ARID2: variants seen among roughly 807,000 people sequenced by gnomAD.
The protein encoded by ARID2 is AT-rich interaction domain 2, also known as AT-rich interactive domain-containing protein 2.
In ARID2, 32 loss-of-function variants were observed where a neutral mutation model predicts 184.6. That is an observed-to-expected ratio of 0.17 (90% confidence interval 0.13 to 0.23). The LOEUF (loss-of-function observed/expected upper bound fraction) is 0.23, where lower values mean the gene tolerates loss of function less well. Ranked by LOEUF, ARID2 falls within the 10% of genes least tolerant of loss-of-function variation. The pLI is 1.00. For missense variants in ARID2, 1,696 were observed against 2,197.6 expected (o/e 0.77, Z 4.56); for synonymous variants, 836 against 772.6 (o/e 1.08, Z -1.36).
intron 3 of ARID2, among the ~76,000 whole-genome samples, chr12:45,795,603 T>TTTTTGTATTTTTGTA (rs1405113962): frequency 1.4e-4 from 21 of 152,078 alleles, no homozygotes; most frequent in Middle Eastern, 3.4e-3. Context: ...TGGTTAATTT[T>TTTTTGTATTTTTGTA]TTTTTGTATT....
At chr12:45,896,637 T>C (rs1944371346) in intron 20 of ARID2, among the ~76,000 whole-genome samples, 1 of 152,184 alleles carries the variant, frequency 6.6e-6, no homozygotes, top group African/African-American at 2.4e-5. Flanking sequence ...CTTTCTTTTG[T>C]AAATTGCCCA....
At chr12:45,764,003 G>T (rs1001928889) in intron 3 of ARID2, among the ~76,000 whole-genome samples, 1 of 152,018 alleles carries the variant, frequency 6.6e-6, no homozygotes, top group East Asian at 1.9e-4. Context: ...TTTATATTCA[G>T]ATGTAAAAAC....
At position 45,839,364 on chromosome 12, in the gene ARID2, A is replaced by G. The variant is rs1565616545; in HGVS notation, c.1366A>G (p.Met456Val). 6.2e-7 allele frequency: 1 copy of G among 1,613,298 alleles called. No homozygotes were observed. Among genetic ancestry groups the G allele is most frequent in the Non-Finnish European group, 8.5e-7 (1 of 1,179,834 alleles). Reference protein sequence around the residue: ...LVCLVSMDIQMFGPDALAAVK... With the variant: ...LVCLVSMDIQVFGPDALAAVK... ...GTGTCTGGTTTCTATGGATATTCAG[A>G]TGTTTGGCCCTGATGCACTAGCTGC... The change falls in exon 11 of 21, where the codon ATG becomes GTG. Residue 456 changes from methionine (M) to valine (V), a missense_variant. By Grantham distance (21) the Met-to-Val change is conservative. Around this residue, in one of 11 missense-constraint regions of ARID2, gnomAD observed 86 missense variants for 200.8 expected, o/e 0.43. Coordinates refer to ENST00000334344, the MANE Select transcript of ARID2 (RefSeq NM_152641.4).
chr12:45,874,802 A>G (rs1237876068), intron 16 of ARID2, among the ~76,000 whole-genome samples: 3 of 152,340 alleles, frequency 2.0e-5, no homozygotes, highest in Admixed American at 6.5e-5. Context: ...ATTACTATCT[A>G]TAGCAGCTAT....
chr12:45,812,959 G>A (rs1208937268), intron 4 of ARID2, among the ~76,000 whole-genome samples: 1 of 152,058 alleles, frequency 6.6e-6, no homozygotes, highest in East Asian at 1.9e-4. Context: ...TCCTGAATCT[G>A]TTTTTTCCCA....
At chr12:45,868,491 G>A (rs1044968659) in intron 16 of ARID2, among the ~76,000 whole-genome samples, 52 of 152,222 alleles carry the variant, frequency 3.4e-4, no homozygotes, top group African/African-American at 1.2e-3. Flanking sequence ...TCCACCCCAC[G>A]TCTCGAGACT....
chr12:45,787,810 T>A (rs1232515874), intron 3 of ARID2, among the ~76,000 whole-genome samples: 1 of 152,156 alleles, frequency 6.6e-6, no homozygotes, highest in Non-Finnish European at 1.5e-5. Context: ...TACCTGTGTG[T>A]CAAAGTCACT....
intron 3 of ARID2, among the ~76,000 whole-genome samples, chr12:45,739,490 G>A (rs1231127635): frequency 7.4e-6 from 1 of 135,528 alleles, no homozygotes; most frequent in African/African-American, 2.9e-5. Flanking sequence ...TGTCGCCCAG[G>A]CTGGAGTGCA....
intron 6 of ARID2, among the ~76,000 whole-genome samples, chr12:45,825,038 C>A (rs746683395): frequency 6.6e-6 from 1 of 151,806 alleles, no homozygotes; most frequent in Non-Finnish European, 1.5e-5. Flanking sequence ...GGGAGCCAAA[C>A]TTGTTGATAT....
chr12:45,740,098 G>C (rs897919476), intron 3 of ARID2, among the ~76,000 whole-genome samples: 1 of 152,122 alleles, frequency 6.6e-6, no homozygotes, highest in African/African-American at 2.4e-5. Flanking sequence ...TTCTTAAGTG[G>C]TTTGGTATAA....
rs763554138 is a variant in ARID2, at chr12:45,729,943, G to T, written c.92+15G>T. The T allele has an allele frequency of 6.2e-7, 1 of 1,602,044 alleles. No individual in the cohort carries two copies. The highest frequency in any genetic ancestry group is 2.3e-5 in the East Asian group (1 of 44,382). ...CACAGCAGAGGGTGAGAGCAGAACC[G>T]GGGGGGCAGCGCCGGGGCGAGCCGG... On this transcript the variant is annotated intron_variant, in intron 1 of 20. Coordinates refer to ENST00000334344, the MANE Select transcript of ARID2 (RefSeq NM_152641.4).
chr12:45,747,576 AT>A (rs959448809), intron 3 of ARID2, among the ~76,000 whole-genome samples: 5 of 152,066 alleles, frequency 3.3e-5, no homozygotes, highest in African/African-American at 1.2e-4. Flanking sequence ...TCAGGTGGGT[AT>A]GGTAGGCCTC....
At chr12:45,730,586 A>G (rs975083275) in intron 2 of ARID2, among the ~76,000 whole-genome samples, 3 of 152,142 alleles carry the variant, frequency 2.0e-5, no homozygotes, top group African/African-American at 4.8e-5. Context: ...GTGCAACTCA[A>G]AATTAGCGCG....
rs2138162027 is a variant in ARID2 at position 45,850,444 on chromosome 12, C to T, written c.2321C>T (p.Pro774Leu). ...HHPSVIPQQS[P>L]LHTVVPGQIP... ...CCATCTGTAATTCCACAGCAGTCTC[C>T]ATTACACACAGTGGTACCAGGACAG... Residue 774 changes from proline to leucine, a missense_variant, in exon 15 of 21, where the codon CCA becomes CTA. Pro to Leu is a moderately conservative substitution (Grantham distance 98). Around this residue, in one of 11 missense-constraint regions of ARID2, gnomAD observed 713 missense variants for 824.4 expected, o/e 0.86. Coordinates refer to ENST00000334344, the MANE Select transcript of ARID2 (RefSeq NM_152641.4). 1 of 1,614,040 alleles carries T rather than the reference C, an allele frequency of 6.2e-7. No homozygotes were observed.
At chr12:45,756,341 A>G (rs1324663628) in intron 3 of ARID2, among the ~76,000 whole-genome samples, 2 of 152,224 alleles carry the variant, frequency 1.3e-5, no homozygotes, top group African/African-American at 2.4e-5. Context: ...ACTTAGCATC[A>G]TATCTTATTA....
intron 16 of ARID2, among the ~76,000 whole-genome samples, chr12:45,868,680 CTTAA>C (rs1943869092): frequency 6.6e-6 from 1 of 152,120 alleles, no homozygotes; most frequent in South Asian, 2.1e-4. Context: ...ATGAGCCTAG[CTTAA>C]TTATTTTCCA....
At position 45,852,564 on chromosome 12, in the gene ARID2, C is replaced by T. The variant is rs780535717; in HGVS notation, c.4441C>T (p.His1481Tyr). The change falls in exon 15 of 21, where the codon CAT becomes TAT. Residue 1481 changes from histidine to tyrosine, a missense_variant. His to Tyr is a moderately conservative substitution (Grantham distance 83, BLOSUM62 2). Coordinates refer to ENST00000334344, the MANE Select transcript of ARID2 (RefSeq NM_152641.4). ...PHSTTSVIQG[H>Y]QIIAVPDSGS... is the part of the protein sequence containing the mutation. ...TTCTACAACCTCTGTTATACAGGGA[C>T]ATCAAATCATAGCAGTTCCCGACTC... 5.2e-5 allele frequency: 84 copies of T among 1,614,026 alleles called. No individual in the cohort carries two copies. Among genetic ancestry groups the T allele is most frequent in the Non-Finnish European group, 6.9e-5 (81 of 1,180,030 alleles).
intron 16 of ARID2, among the ~76,000 whole-genome samples, chr12:45,869,140 C>T (rs1943877355): frequency 6.6e-6 from 1 of 151,956 alleles, no homozygotes; most frequent in African/African-American, 2.4e-5. Context: ...CTGCCTCAGC[C>T]TGAGTAGCTG....
chr12:45,768,576 G>A (rs1278678999), intron 3 of ARID2, among the ~76,000 whole-genome samples: 1 of 152,146 alleles, frequency 6.6e-6, no homozygotes, highest in Non-Finnish European at 1.5e-5. Context: ...CATTTGCTGG[G>A]GAGAAGTTCA....
Sources: gnomAD v4.1 joint callset for allele counts (sites outside exome capture counted in the v4.1 genomes callset) on GRCh38, gnomAD v4.1.1 for gene constraint, gnomAD v4.1.1 regional missense constraint, MANE v1.5 for transcripts, NCBI Gene and HGNC (gene_info 2026-07-23, HGNC 2026-07-21) for gene names.